The following AQR variants were observed in gnomAD, a reference collection of about 807,000 sequenced individuals.
AQR encodes the protein aquarius intron-binding spliceosomal factor.
A neutral mutation model predicts 180.5 loss-of-function variants in AQR; 61 were observed. The ratio of observed to expected loss-of-function variants is 0.34; its 90% CI spans 0.28 to 0.42. The LOEUF is 0.42. Ranked by LOEUF, AQR falls within the 10% of genes least tolerant of loss-of-function variation. AQR has a pLI of 1.00. For synonymous variants in AQR, 551 were observed against 588.8 expected, an observed-to-expected ratio of 0.94 and a Z score of 0.93; for missense variants, 1,281 against 1,798.3, an observed-to-expected ratio of 0.71 and a Z score of 5.20.
chr15:34,927,235 C>A, intron 12 of AQR, 97 bp from the exon 13 acceptor site: 1 of 672,836 alleles, frequency 1.5e-6, no homozygotes, highest in South Asian at 4.1e-5. Flanking sequence ...AAAATATTAA[C>A]GCATTTCTGT....
chr15:34,896,852 AAAAC>A (rs112801519), intron 22 of AQR, 41 bp downstream of exon 22: 652 of 1,534,186 alleles, frequency 4.2e-4, no homozygotes, highest in South Asian at 1.5e-3. Flanking sequence ...TCCATCTCAG[AAAAC>A]AAACAAACAA....
chr15:34,887,470 T>C (rs553781591), intron 24 of AQR, among the ~76,000 whole-genome samples: 1 of 152,302 alleles, frequency 6.6e-6, no homozygotes, highest in African/African-American at 2.4e-5. Flanking sequence ...CATATCCCAA[T>C]ACATAACTTG....
At chr15:34,906,741 A>C in intron 17 of AQR, 29 bp from the exon 18 acceptor site, 1 of 1,591,754 alleles carries the variant, frequency 6.3e-7, no homozygotes, top group Non-Finnish European at 8.6e-7. Flanking sequence ...ATTTTCATTT[A>C]TTAGAATTTC....
At chr15:34,939,085 T>C (rs748462597) in intron 8 of AQR, among the ~76,000 whole-genome samples, 4 of 152,226 alleles carry the variant, frequency 2.6e-5, no homozygotes, top group Non-Finnish European at 5.9e-5. Flanking sequence ...TTTTTTGTTT[T>C]TGAGGTGGAA....
At chr15:34,932,624 T>C (rs767506370) in intron 10 of AQR, among the ~76,000 whole-genome samples, 190 bp from the exon 11 acceptor site, 2 of 152,100 alleles carry the variant, frequency 1.3e-5, no homozygotes, top group Non-Finnish European at 2.9e-5. Context: ...ATGTTTTTGG[T>C]TTTAAAAACA....
chr15:34,957,408 T>C (rs1894336178), intron 3 of AQR, among the ~76,000 whole-genome samples: 1 of 151,982 alleles, frequency 6.6e-6, no homozygotes, highest in African/African-American at 2.4e-5. Context: ...GAAGTGTACT[T>C]GGAAATAAAA....
chr15:34,968,550 G>A (rs1285785649), intron 1 of AQR, among the ~76,000 whole-genome samples: 1 of 152,132 alleles, frequency 6.6e-6, no homozygotes, highest in Non-Finnish European at 1.5e-5. Context: ...GAGCCCCTGC[G>A]CCCGGCCGGA....
chr15:34,921,622 G>T (rs755614482), intron 13 of AQR, among the ~76,000 whole-genome samples: 2 of 151,960 alleles, frequency 1.3e-5, no homozygotes, highest in Non-Finnish European at 2.9e-5. Flanking sequence ...TTGGAAAACT[G>T]GTATTTGCCA....
In AQR at chr15:34,916,542, T is replaced by C. The variant is rs1893591190; in HGVS notation, c.1343-1363A>G. Among the ~76,000 whole-genome samples, 3 of 152,140 alleles carry C rather than the reference T, an allele frequency of 2.0e-5. No homozygotes were observed. In the South Asian group the frequency reaches 6.2e-4, roughly 32 times the overall value. On this transcript the variant is annotated intron_variant, in intron 15 of 34. Transcript: ENST00000156471. ...GACTTGTAATCTAACTCAATTTCTT[T>C]CAATAGCACATTTTTATTTAAAAAA...
intron 3 of AQR, among the ~76,000 whole-genome samples, chr15:34,957,269 G>T (rs1004947229): frequency 6.6e-6 from 1 of 152,010 alleles, no homozygotes; most frequent in Non-Finnish European, 1.5e-5. Context: ...CGATTCTCCT[G>T]CCTCAGTCTC....
chr15:34,882,465 T>TAAAAAAAAAA (rs34949352), intron 27 of AQR, 37 bp downstream of exon 27: 4 of 1,200,484 alleles, frequency 3.3e-6, no homozygotes, highest in African/African-American at 3.7e-5. Flanking sequence ...CTGATAATCT[T>TAAAAAAAAAA]AAAAAAAAAA....
intron 1 of AQR, among the ~76,000 whole-genome samples, chr15:34,968,351 C>T (rs944575360): frequency 5.3e-5 from 8 of 151,792 alleles, no homozygotes; most frequent in Middle Eastern, 6.8e-3. Context: ...CTCCCGGGTT[C>T]ACGCCATTCT....
At chr15:34,947,199 C>T (rs1211951014) in intron 5 of AQR, among the ~76,000 whole-genome samples, 1 of 151,566 alleles carries the variant, frequency 6.6e-6, no homozygotes, top group East Asian at 1.9e-4. Context: ...TCCTGTTGAT[C>T]GGTGACCTTA....
chr15:34,867,453 A>G, intron 32 of AQR, 71 bp downstream of exon 32: 1 of 1,317,344 alleles, frequency 7.6e-7, no homozygotes, highest in Non-Finnish European at 1.1e-6. Flanking sequence ...TAGAACACTT[A>G]GCCACAGAAT....
At chr15:34,946,165 G>A (rs1894110093) in intron 5 of AQR, among the ~76,000 whole-genome samples, 1 of 152,154 alleles carries the variant, frequency 6.6e-6, no homozygotes, top group Admixed American at 6.5e-5. Flanking sequence ...CAGCTTCTTG[G>A]GAGGCAGAGG....
rs751725813 is a variant in AQR at position 34,875,941 on chromosome 15, A to C, written c.3231T>G (p.Leu1077=). Residue 1077 remains leucine (L), a synonymous_variant, in exon 28 of 35, where the codon CTT becomes CTG. Transcript: ENST00000156471. ...CAGATCTTATATTTCTTACCTGTAG[A>C]AGAAGAGGGATAAAAGTTTCTATCT... ...ILEIETFIPL[L]LQNPQDGFSR... 20 of 1,606,926 alleles carry C rather than the reference A, an allele frequency of 1.2e-5. No homozygotes were observed. The highest frequency in any genetic ancestry group is 1.7e-5 in the Non-Finnish European group (20 of 1,174,070).
At chr15:34,906,462 T>C in intron 18 of AQR, 83 bp downstream of exon 18, 2 of 1,510,016 alleles carry the variant, frequency 1.3e-6, no homozygotes, top group Non-Finnish European at 1.8e-6. Context: ...CTAAAAAATA[T>C]TACCTAAGAA....
At chr15:34,927,788 A>G (rs985898323) in intron 12 of AQR, among the ~76,000 whole-genome samples, 5 of 152,226 alleles carry the variant, frequency 3.3e-5, no homozygotes, top group Non-Finnish European at 5.9e-5. Flanking sequence ...ATGGTGGATG[A>G]CACAGAAGGT....
At chr15:34,862,575 T>G (rs574061884) in intron 33 of AQR, among the ~76,000 whole-genome samples, 24 of 152,248 alleles carry the variant, frequency 1.6e-4, no homozygotes, top group Non-Finnish European at 7.4e-5. Flanking sequence ...TTTATTTATT[T>G]TTTATAGAGA....
Sources: allele counts gnomAD v4.1 joint callset (sites outside exome capture counted in the v4.1 genomes callset), GRCh38; gene constraint gnomAD v4.1.1; transcripts MANE v1.5; gene names NCBI Gene and HGNC (gene_info 2026-07-23, HGNC 2026-07-21).